Variants in PRKCE observed in about 807,000 individuals in gnomAD.
PRKCE encodes protein kinase C epsilon, also known as protein kinase C epsilon type.
A neutral mutation model predicts 85.4 loss-of-function variants in PRKCE; 16 were observed. The observed-to-expected ratio is 0.19, with a 90% confidence interval of 0.13 to 0.28. The LOEUF (loss-of-function observed/expected upper bound fraction) is 0.28. Among genes scored for constraint, PRKCE ranks in the 10% least tolerant of loss-of-function variants. The pLI, the probability that PRKCE is intolerant of heterozygous loss-of-function variation, is 1.00. For missense variants in PRKCE, 573 were observed against 975.2 expected (o/e 0.59, Z 5.49); for synonymous variants, 388 against 371.5 (o/e 1.04, Z -0.51).
At chr2:46,151,878 T>C (rs1177687943) in intron 13 of PRKCE, among the ~76,000 whole-genome samples, 1 of 152,248 alleles carries the variant, frequency 6.6e-6, no homozygotes, top group African/African-American at 2.4e-5. Context: ...ATGCTTGTAC[T>C]GTGTCAAGCA....
chr2:46,108,572 T>G (rs1390693435), intron 11 of PRKCE, among the ~76,000 whole-genome samples: 1 of 152,206 alleles, frequency 6.6e-6, no homozygotes, highest in Non-Finnish European at 1.5e-5. Flanking sequence ...GCTCCAGTGA[T>G]GGCTGCACTG....
At chr2:46,181,847 T>G (rs2104726976) in intron 14 of PRKCE, among the ~76,000 whole-genome samples, 1 of 152,282 alleles carries the variant, frequency 6.6e-6, no homozygotes, top group South Asian at 2.1e-4. Context: ...CCGGTCACTA[T>G]ATCATACATT....
At chr2:46,140,573 A>T (rs776119330) in intron 11 of PRKCE, among the ~76,000 whole-genome samples, 13 of 152,210 alleles carry the variant, frequency 8.5e-5, no homozygotes, top group Non-Finnish European at 1.3e-4. Flanking sequence ...ACATAAAAGT[A>T]CTGGGAGAAA....
intron 1 of PRKCE, among the ~76,000 whole-genome samples, chr2:45,773,122 G>T (rs1284475405): frequency 6.6e-6 from 1 of 152,186 alleles, no homozygotes; most frequent in Non-Finnish European, 1.5e-5. Context: ...TTTTGAGCAG[G>T]ACCTCTCAGG....
intron 1 of PRKCE, among the ~76,000 whole-genome samples, chr2:45,667,497 G>T (rs148119295): frequency 2.6e-5 from 4 of 152,116 alleles, no homozygotes; most frequent in Non-Finnish European, 5.9e-5. Flanking sequence ...CTAAATAATA[G>T]ACTTCCTTTG....
At chr2:45,859,552 A>G (rs1173118354) in intron 2 of PRKCE, among the ~76,000 whole-genome samples, 1 of 152,164 alleles carries the variant, frequency 6.6e-6, no homozygotes, top group Non-Finnish European at 1.5e-5. Context: ...ATTTATATTT[A>G]TCTGATTATT....
intron 2 of PRKCE, among the ~76,000 whole-genome samples, chr2:45,952,578 T>C (rs559036822): frequency 6.6e-6 from 1 of 152,374 alleles, no homozygotes; most frequent in Admixed American, 6.5e-5. Flanking sequence ...AATTGCTATG[T>C]TAAAAGTTTA....
intron 2 of PRKCE, among the ~76,000 whole-genome samples, chr2:45,949,512 G>T (rs1346133588): frequency 5.8e-5 from 8 of 139,058 alleles, no homozygotes; most frequent in Admixed American, 1.4e-4. Flanking sequence ...GTCTTTTCTC[G>T]GTATCTTTTT....
chr2:46,008,142 T>C (rs1031274387), intron 9 of PRKCE, among the ~76,000 whole-genome samples: 1 of 152,222 alleles, frequency 6.6e-6, no homozygotes, highest in Non-Finnish European at 1.5e-5. Flanking sequence ...GTTATTTAAC[T>C]GATCTTTCTG....
chr2:45,949,426 G>GTTTTTTTT (rs34381919), intron 2 of PRKCE, among the ~76,000 whole-genome samples: 2 of 114,058 alleles, frequency 1.8e-5, no homozygotes, highest in Non-Finnish European at 3.5e-5. Context: ...TTTGATTGTT[G>GTTTTTTTT]TTTTTTTTTT....
Position 46,149,881 on chromosome 2 carries a change from G to A in PRKCE, c.1732-1160G>A, listed in dbSNP as rs116556616. Among the ~76,000 whole-genome samples the A allele has an allele frequency of 6.9e-3, 1,021 of 148,690 alleles. 12 individuals carry two copies. The highest frequency in any genetic ancestry group is 0.024 in the African/African-American group (991 of 40,550). ...GATCCTTTTTTTTTTTTTTGAGATA[G>A]GGTCTCACTCTGTTACCCAGGTTGA... On this transcript the variant is annotated intron_variant, in intron 12 of 14. Transcript: ENST00000306156.
intron 1 of PRKCE, among the ~76,000 whole-genome samples, chr2:45,823,223 T>C (rs1053580363): frequency 2.0e-5 from 3 of 152,192 alleles, no homozygotes; most frequent in African/African-American, 7.2e-5. Context: ...TCTTAAGGCT[T>C]GAGAAGTTTG....
intron 11 of PRKCE, among the ~76,000 whole-genome samples, chr2:46,106,816 G>T (rs1396820805): frequency 6.6e-6 from 1 of 152,184 alleles, no homozygotes; most frequent in Non-Finnish European, 1.5e-5. Flanking sequence ...AGTTATGGAG[G>T]GTTAGGGCTT....
At chr2:45,733,720 G>C (rs1681788416) in intron 1 of PRKCE, among the ~76,000 whole-genome samples, 1 of 152,132 alleles carries the variant, frequency 6.6e-6, no homozygotes, top group African/African-American at 2.4e-5. Flanking sequence ...TTTCTACGCA[G>C]CTAAGAGTCT....
intron 2 of PRKCE, among the ~76,000 whole-genome samples, chr2:45,868,468 C>T (rs1001614413): frequency 2.0e-5 from 3 of 151,278 alleles, no homozygotes; most frequent in African/African-American, 4.8e-5. Flanking sequence ...CTGCCACAGG[C>T]ACCTGCCACC....
chr2:46,082,615 A>G (rs1669197819), intron 10 of PRKCE, among the ~76,000 whole-genome samples: 2 of 152,126 alleles, frequency 1.3e-5, no homozygotes, highest in South Asian at 4.1e-4. Context: ...CTCAGCAAGC[A>G]CTCAGTGAGG....
At chr2:46,052,765 A>G (rs1183647949) in intron 10 of PRKCE, among the ~76,000 whole-genome samples, 1 of 152,264 alleles carries the variant, frequency 6.6e-6, no homozygotes, top group South Asian at 2.1e-4. Flanking sequence ...CTGTAAAGCT[A>G]CATAATCACA....
In PRKCE at chr2:46,159,793, C is replaced by T; in HGVS notation, c.2067+41C>T. 1 of 1,594,488 alleles carries T rather than the reference C, an allele frequency of 6.3e-7. No homozygotes were observed. Among genetic ancestry groups the T allele is most frequent in the East Asian group, 2.2e-5 (1 of 44,584 alleles). On this transcript the variant is annotated intron_variant, in intron 14 of 14. Transcript: ENST00000306156. This position sits in a 1 kb window ranked among gnomAD's most constrained non-coding sequence, Gnocchi z 4.1. ...TGCACGTTCAGCACCATGGGTCGGG[C>T]CCAGGTACTTGCAGGACAGGCTGCG...
chr2:45,852,873 A>G (rs1262060729), intron 2 of PRKCE, among the ~76,000 whole-genome samples: 1 of 152,184 alleles, frequency 6.6e-6, no homozygotes, highest in Non-Finnish European at 1.5e-5. Context: ...AAACCTGTAA[A>G]AATGGAGATT....
Sources: gnomAD v4.1 joint callset for allele counts (sites outside exome capture counted in the v4.1 genomes callset) on GRCh38, gnomAD v4.1.1 for gene constraint, Gnocchi (gnomAD v3.1) non-coding constraint, MANE v1.5 for transcripts, NCBI Gene and HGNC (gene_info 2026-07-23, HGNC 2026-07-21) for gene names.